Variants in NUTM2F observed in about 807,000 individuals in gnomAD.
The protein encoded by NUTM2F is family with sequence similarity 22, member F.
A neutral mutation model predicts 43.3 loss-of-function variants in NUTM2F; 22 were observed. That is an observed-to-expected ratio of 0.51 (90% CI 0.36 to 0.73). The LOEUF is 0.73. Ranked by LOEUF, NUTM2F falls within the 30% of genes least tolerant of loss-of-function variation. NUTM2F has a pLI of 0.00. For missense variants in NUTM2F, 488 were observed against 927.4 expected, an observed-to-expected ratio of 0.53 and a Z score of 6.15; for synonymous variants, 202 against 389.0, an observed-to-expected ratio of 0.52 and a Z score of 5.66.
rs1008433957 is a variant in NUTM2F at position 94,320,734 on chromosome 9, C to T, written c.983-141G>A. On this transcript the variant is annotated intron_variant, in intron 4 of 6. Coordinates refer to ENST00000253262, the MANE Select transcript of NUTM2F (RefSeq NM_017561.2). The surrounding 1 kb of genome is among the most constrained non-coding windows in gnomAD (Gnocchi z 4.5). Reference sequence around the variant, plus strand: ...CTGAACCACAGCGCCCCGGAGGAGACGCCACAGGAGGGGCACATCTGAGAC... The same window carrying T: ...CTGAACCACAGCGCCCCGGAGGAGATGCCACAGGAGGGGCACATCTGAGAC... 13 of 1,362,464 alleles carry T rather than the reference C, an allele frequency of 9.5e-6. No individual in the cohort carries two copies. The highest frequency in any genetic ancestry group is 8.7e-5 in the African/African-American group (6 of 68,730). The allele number at this position is 1,362,464 out of a possible 1,614,324, so 84.4% of individuals were successfully genotyped here. A position where few individuals can be genotyped will look rare whatever the true frequency, so the allele number is the denominator to read the frequency against.
At chr9:94,326,347 G>A (rs1286323839) in intron 1 of NUTM2F, among the ~76,000 whole-genome samples, 3 of 151,578 alleles carry the variant, frequency 2.0e-5, no homozygotes, top group Non-Finnish European at 4.4e-5. Flanking sequence ...TCAGAAGGCC[G>A]ACAGGAAACC....
In NUTM2F at chr9:94,325,722, C is replaced by G. The variant is rs758576307; in HGVS notation, c.229G>C (p.Gly77Arg). The change falls in exon 2 of 7, where the codon GGG (glycine) becomes CGG (arginine). Residue 77 changes from glycine (G) to arginine (R), a missense_variant. Physicochemically the swap from Gly to Arg is moderately radical, Grantham distance 125. Coordinates refer to ENST00000253262, the MANE Select transcript of NUTM2F (RefSeq NM_017561.2). ...ATCTGGACAAAGACGTTGGAAGCCC[C>G]GGCCCCACTCGGGCCGCGGCCATCC... ...GQDGRGPSGAGASNVFVQMRT... is the reference protein window; with the variant it reads ...GQDGRGPSGARASNVFVQMRT... The G allele has an allele frequency of 1.9e-6, 3 of 1,611,766 alleles. No individual in the cohort carries two copies. The highest frequency in any genetic ancestry group is 2.5e-6 in the Non-Finnish European group (3 of 1,179,844).
chr9:94,323,413 G>A (rs1035613075), intron 2 of NUTM2F, among the ~76,000 whole-genome samples: 2 of 152,206 alleles, frequency 1.3e-5, no homozygotes, highest in Non-Finnish European at 2.9e-5. Context: ...GGTCACAGAG[G>A]TGCCGCGGGG....
At chr9:94,319,982 CAT>C (rs1330846189) in intron 5 of NUTM2F, among the ~76,000 whole-genome samples, 1 of 152,104 alleles carries the variant, frequency 6.6e-6, no homozygotes, top group Non-Finnish European at 1.5e-5. Flanking sequence ...ACACAGGTAA[CAT>C]ACACACTCCA....
chr9:94,320,392 A>G lies in NUTM2F; in HGVS notation c.1184T>C (p.Val395Ala). The G allele has an allele frequency of 1.9e-6, 3 of 1,613,102 alleles. No homozygotes were observed. The highest frequency in any genetic ancestry group is 2.5e-6 in the Non-Finnish European group (3 of 1,179,854). ...KVPEEIPPEVVQEYVDIMEEL... is the reference protein window; with the variant it reads ...KVPEEIPPEVAQEYVDIMEEL... ...CTCCATGATGTCCACATACTCCTGC[A>G]CCACTTCAGGGGGGATCTCCTCAGG... is the stretch of plus-strand genomic sequence containing the variant. Residue 395 changes from valine to alanine, a missense_variant, in exon 5 of 7, where the codon GTG (valine) becomes GCG (alanine). Transcript: ENST00000253262. This position sits in a 1 kb window ranked among gnomAD's most constrained non-coding sequence, Gnocchi z 4.5.
Position 94,322,214 on chromosome 9 carries a change from C to T in NUTM2F, c.829G>A (p.Glu277Lys), listed in dbSNP as rs1010354406. ...CCCCAGACTCACTTTTCCGCCATCTCGTAGAAGATCATCCGGTCAAAGTTG... is the reference window on the plus strand; with the variant it reads ...CCCCAGACTCACTTTTCCGCCATCTTGTAGAAGATCATCCGGTCAAAGTTG... ...TSNFDRMIFY[E>K]MAEKFLEFEA... The change falls in exon 3 of 7, where the codon GAG becomes AAG. Residue 277 changes from glutamate to lysine, a missense_variant. Physicochemically the swap from Glu to Lys is moderately conservative, Grantham distance 56. Coordinates refer to ENST00000253262, the MANE Select transcript of NUTM2F (RefSeq NM_017561.2). 6.8e-6 allele frequency: 11 copies of T among 1,611,974 alleles called. No homozygotes were observed. The highest frequency in any genetic ancestry group is 4.0e-5 in the African/African-American group (3 of 74,874).
intron 1 of NUTM2F, among the ~76,000 whole-genome samples, chr9:94,326,521 C>A (rs987922791): frequency 6.6e-6 from 1 of 152,120 alleles, no homozygotes; most frequent in Admixed American, 6.5e-5. Context: ...GAGGCCCAGG[C>A]GGGTGGATCA....
chr9:94,319,543 G>A (rs1210506322), intron 6 of NUTM2F, 70 bp downstream of exon 6: 90 of 1,599,614 alleles, frequency 5.6e-5, no homozygotes, highest in East Asian at 8.9e-5. Context: ...TTAGACAATC[G>A]GGTGGGCCTT....
rs545000710 is a variant in NUTM2F, at chr9:94,321,223, T to C, written c.852A>G (p.Glu284=). ...IFYEMAEKFL[E]FEAEEEMQIQ... is the part of the protein sequence containing the mutation. ...TCTGCATCTCCTCCTCAGCCTCAAA[T>C]TCCAGGAACCTGTGGGTGAAGGAGG... Residue 284 remains glutamate (E), a synonymous_variant, in exon 4 of 7, where the codon GAA becomes GAG. Coordinates refer to ENST00000253262, the MANE Select transcript of NUTM2F (RefSeq NM_017561.2). 1,807 of 1,579,824 alleles carry C rather than the reference T, an allele frequency of 1.1e-3. 5 individuals carry two copies. Among genetic ancestry groups the C allele is most frequent in the Non-Finnish European group, 1.2e-3 (1,463 of 1,170,884 alleles).
chr9:94,328,327 G>A (rs1286217719), intron 1 of NUTM2F, among the ~76,000 whole-genome samples: 2 of 151,972 alleles, frequency 1.3e-5, no homozygotes, highest in African/African-American at 2.4e-5. Flanking sequence ...ACACAATGAC[G>A]TGACCTGTCC....
At chr9:94,326,351 G>A (rs1676549381) in intron 1 of NUTM2F, among the ~76,000 whole-genome samples, 1 of 151,542 alleles carries the variant, frequency 6.6e-6, no homozygotes, top group African/African-American at 2.4e-5. Flanking sequence ...AAGGCCGACA[G>A]GAAACCAGAA....
Position 94,318,916 on chromosome 9 carries a change from C to T in NUTM2F, c.1820G>A (p.Gly607Glu). The change falls in exon 7 of 7, where the codon GGG (glycine) becomes GAG (glutamate). Residue 607 changes from glycine to glutamate, a missense_variant. Physicochemically the swap from Gly to Glu is moderately conservative, Grantham distance 98. Coordinates refer to ENST00000253262, the MANE Select transcript of NUTM2F (RefSeq NM_017561.2). ...AGGGAGACCCAAGGCGTCCTTGGTCCCCAGGCCGGGGCAGGTGGGTCTGTG... is the reference window on the plus strand; with the variant it reads ...AGGGAGACCCAAGGCGTCCTTGGTCTCCAGGCCGGGGCAGGTGGGTCTGTG... ...QDHRPTCPGL[G>E]TKDALGLPGE... 2 of 1,608,948 alleles carry T rather than the reference C, an allele frequency of 1.2e-6. No homozygotes were observed. The highest frequency in any genetic ancestry group is 1.7e-6 in the Non-Finnish European group (2 of 1,178,126).
rs1831446504 is a variant in NUTM2F at position 94,325,848 on chromosome 9, G to C, written c.103C>G (p.Pro35Ala). ...FTALPFATPA[P>A]GPAHRPPLVT... Reference sequence around the variant, plus strand: ...AGGGGCGGCCTGTGTGCTGGGCCGGGAGCGGGTGTGGCAAAGGGCAGAGCC... The same window carrying C: ...AGGGGCGGCCTGTGTGCTGGGCCGGCAGCGGGTGTGGCAAAGGGCAGAGCC... Residue 35 changes from proline (P) to alanine (A), a missense_variant, in exon 2 of 7, where the codon CCC (proline) becomes GCC (alanine). Pro to Ala is a conservative substitution (Grantham distance 27). Coordinates refer to ENST00000253262, the MANE Select transcript of NUTM2F (RefSeq NM_017561.2). 6.2e-7 allele frequency: 1 copy of C among 1,612,058 alleles called. No individual in the cohort carries two copies. The highest frequency in any genetic ancestry group is 8.5e-7 in the Non-Finnish European group (1 of 1,179,866).
In NUTM2F at chr9:94,321,161, A is replaced by G. The variant is rs1191279955; in HGVS notation, c.914T>C (p.Leu305Pro). The G allele has an allele frequency of 1.3e-6, 2 of 1,550,650 alleles. No individual in the cohort carries two copies. The highest frequency in any genetic ancestry group is 2.4e-5 in the East Asian group (1 of 42,232). Residue 305 changes from leucine to proline, a missense_variant, in exon 4 of 7, where the codon CTG (leucine) becomes CCG (proline). Physicochemically the swap from Leu to Pro is moderately conservative, Grantham distance 98. Coordinates refer to ENST00000253262, the MANE Select transcript of NUTM2F (RefSeq NM_017561.2). ...AAGCCTCGGCGGGGCTGGAGGAGGC[A>G]GGCTCTGGGGCCCCTTCATCCACTG... ...KSQWMKGPQSLPPPAPPRLEP... is the reference protein window; with the variant it reads ...KSQWMKGPQSPPPPAPPRLEP...
intron 1 of NUTM2F, among the ~76,000 whole-genome samples, chr9:94,327,194 C>G (rs1831462045): frequency 6.7e-6 from 1 of 149,946 alleles, no homozygotes; most frequent in Admixed American, 6.6e-5. Flanking sequence ...ACCTCTGCCT[C>G]CCAGGTTCAA....
In NUTM2F at chr9:94,325,926, C is replaced by T. The variant is rs372240496; in HGVS notation, c.25G>A (p.Val9Met). 1 of 1,611,694 alleles carries T rather than the reference C, an allele frequency of 6.2e-7. No homozygotes were observed. The highest frequency in any genetic ancestry group is 8.5e-7 in the Non-Finnish European group (1 of 1,179,764). MASNGAYPVLGPGVTVNPG... is the reference protein window; with the variant it reads MASNGAYPMLGPGVTVNPG... ...TTCACGGTCACGCCGGGTCCCAGCACTGGGTATGCTGTGGAGACAAAGGAA... is the reference window on the plus strand; with the variant it reads ...TTCACGGTCACGCCGGGTCCCAGCATTGGGTATGCTGTGGAGACAAAGGAA... Residue 9 changes from valine to methionine, a missense_variant, in exon 2 of 7, where the codon GTG (valine) becomes ATG (methionine). Physicochemically the swap from Val to Met is conservative, Grantham distance 21. Coordinates refer to ENST00000253262, the MANE Select transcript of NUTM2F (RefSeq NM_017561.2).
In NUTM2F at chr9:94,324,816, C is replaced by A. The variant is rs561528932; in HGVS notation, c.713+422G>T. Among the ~76,000 whole-genome samples, 3 of 151,346 alleles carry A rather than the reference C, an allele frequency of 2.0e-5. No individual in the cohort carries two copies. In the East Asian group the frequency reaches 5.8e-4, roughly 29 times the overall value. Reference sequence around the variant, plus strand: ...GACCAGCCTGACCAACATGGAGAAACCCCATCTCTACGAATACAAAATTGG... The same window carrying A: ...GACCAGCCTGACCAACATGGAGAAAACCCATCTCTACGAATACAAAATTGG... On this transcript the variant is annotated intron_variant, in intron 2 of 6. Coordinates refer to ENST00000253262, the MANE Select transcript of NUTM2F (RefSeq NM_017561.2).
At position 94,320,725 on chromosome 9, in the gene NUTM2F, C is replaced by T. The variant is rs1047216450; in HGVS notation, c.983-132G>A. ...CAGGACCACCTGAACCACAGCGCCC[C>T]GGAGGAGACGCCACAGGAGGGGCAC... On this transcript the variant is annotated intron_variant, in intron 4 of 6. Transcript: ENST00000253262. This position sits in a 1 kb window ranked among gnomAD's most constrained non-coding sequence, Gnocchi z 4.5. 13 of 1,361,854 alleles carry T rather than the reference C, an allele frequency of 9.5e-6. No individual in the cohort carries two copies. In the Admixed American group the frequency reaches 1.0e-4, roughly 10 times the overall value. The allele number at this position is 1,361,854 out of a possible 1,614,324, so 84.4% of individuals were successfully genotyped here. A position where few individuals can be genotyped will look rare whatever the true frequency, so the allele number is the denominator to read the frequency against.
chr9:94,324,381 A>T (rs1410203593), intron 2 of NUTM2F, among the ~76,000 whole-genome samples: 1 of 147,532 alleles, frequency 6.8e-6, no homozygotes, highest in African/African-American at 2.5e-5. Context: ...TGAAAGTGAA[A>T]GCCAGGCACG....
Sources: gnomAD v4.1 joint callset for allele counts (sites outside exome capture counted in the v4.1 genomes callset) on GRCh38, gnomAD v4.1.1 for gene constraint, Gnocchi (gnomAD v3.1) non-coding constraint, MANE v1.5 for transcripts, NCBI Gene and HGNC (gene_info 2026-07-23, HGNC 2026-07-21) for gene names.